DIAPH3: variants seen among roughly 807,000 people sequenced by gnomAD.
The protein encoded by DIAPH3 is protein diaphanous homolog 3.
Under a neutral mutation model 144.3 loss-of-function variants are expected in DIAPH3, and 117 were observed. The ratio of observed to expected loss-of-function variants is 0.81; its 90% CI spans 0.70 to 0.95. DIAPH3 has a LOEUF of 0.95. Among genes scored for constraint, DIAPH3 ranks in the 40% least tolerant of loss-of-function variants. The pLI is 0.00. For synonymous variants in DIAPH3, 519 were observed against 488.9 expected, an observed-to-expected ratio of 1.06 and a Z score of -0.81; for missense variants, 1,421 against 1,412.7, an observed-to-expected ratio of 1.01 and a Z score of -0.09.
chr13:59,778,883 C>G (rs1279748507), intron 25 of DIAPH3, among the ~76,000 whole-genome samples: 1 of 152,218 alleles, frequency 6.6e-6, no homozygotes, highest in African/African-American at 2.4e-5. Context: ...CAATATATCT[C>G]AGTTCTTACA....
chr13:59,739,395 T>A (rs2036326699), intron 27 of DIAPH3, among the ~76,000 whole-genome samples: 1 of 152,138 alleles, frequency 6.6e-6, no homozygotes, highest in South Asian at 2.1e-4. Context: ...ATGCCTTAAC[T>A]CCTCTAAGTA....
chr13:59,896,168 G>T (rs1389720353), intron 20 of DIAPH3, among the ~76,000 whole-genome samples: 1 of 152,180 alleles, frequency 6.6e-6, no homozygotes, highest in African/African-American at 2.4e-5. Context: ...TCTTGGTTAA[G>T]TAGTCTATTC....
chr13:59,924,849 A>T lies in DIAPH3; in HGVS notation c.2096T>A (p.Ile699Asn). Residue 699 changes from isoleucine (I) to asparagine (N), a missense_variant, in exon 18 of 28, where the codon ATT becomes AAT. Ile to Asn is a moderately radical substitution (Grantham distance 149, BLOSUM62 -3). Transcript: ENST00000400324. ...TTTCTTAATCGATTTCTTCTCTTCA[A>T]TATCTTCCTCTTCTCTTCTCTCTGT... ...QQKERREEED[I>N]EEKKSIKKKI... is the part of the protein sequence containing the mutation. The T allele has an allele frequency of 6.2e-7, 1 of 1,600,894 alleles. No individual in the cohort carries two copies. Among genetic ancestry groups the T allele is most frequent in the Non-Finnish European group, 8.5e-7 (1 of 1,170,934 alleles).
chr13:59,841,261 T>C (rs2042325664), intron 22 of DIAPH3, among the ~76,000 whole-genome samples: 1 of 152,154 alleles, frequency 6.6e-6, no homozygotes. Flanking sequence ...TCACTTTTTA[T>C]ACTTCCTAAA....
intron 24 of DIAPH3, among the ~76,000 whole-genome samples, chr13:59,825,400 T>C (rs564081707): frequency 6.6e-6 from 1 of 152,312 alleles, no homozygotes; most frequent in African/African-American, 2.4e-5. Flanking sequence ...TATTCCATGG[T>C]GTATATGTGC....
intron 27 of DIAPH3, among the ~76,000 whole-genome samples, chr13:59,672,981 C>G (rs1311564071): frequency 6.6e-6 from 1 of 152,168 alleles, no homozygotes; most frequent in Non-Finnish European, 1.5e-5. Context: ...ATATAAACTT[C>G]TATTCATTCT....
At chr13:59,767,612 G>A (rs1008382370) in intron 27 of DIAPH3, among the ~76,000 whole-genome samples, 3 of 151,810 alleles carry the variant, frequency 2.0e-5, no homozygotes, top group African/African-American at 7.3e-5. Context: ...AAAAGGGAGA[G>A]ATTCAGAATG....
intron 17 of DIAPH3, among the ~76,000 whole-genome samples, chr13:59,956,661 A>G (rs2049426430): frequency 6.6e-6 from 1 of 152,188 alleles, no homozygotes; most frequent in Admixed American, 6.5e-5. Flanking sequence ...TGCTGGGTGG[A>G]GCTGTGAGAA....
At chr13:59,913,991 T>C (rs990359756) in intron 19 of DIAPH3, among the ~76,000 whole-genome samples, 7 of 151,946 alleles carry the variant, frequency 4.6e-5, no homozygotes, top group Non-Finnish European at 8.8e-5. Flanking sequence ...ATAAAAATTA[T>C]TGAGCCTAAT....
chr13:60,008,679 C>T, intron 8 of DIAPH3, 30 bp from the exon 9 acceptor site: 2 of 1,390,424 alleles, frequency 1.4e-6, no homozygotes, highest in Non-Finnish European at 2.0e-6. Context: ...AATTAAATTG[C>T]AAGTAGCAAA....
intron 14 of DIAPH3, among the ~76,000 whole-genome samples, chr13:59,978,774 C>T (rs973887081): frequency 1.6e-4 from 25 of 151,692 alleles, no homozygotes; most frequent in African/African-American, 6.0e-4. Context: ...AAAAGAGTTA[C>T]TAGAGCGATA....
chr13:59,770,094 T>C (rs2038046470), intron 27 of DIAPH3, among the ~76,000 whole-genome samples: 1 of 152,100 alleles, frequency 6.6e-6, no homozygotes, highest in African/African-American at 2.4e-5. Flanking sequence ...CCCCTACATC[T>C]GATCCGACAA....
intron 2 of DIAPH3, among the ~76,000 whole-genome samples, chr13:60,131,989 C>G (rs2059153970): frequency 6.6e-6 from 1 of 152,196 alleles, no homozygotes; most frequent in Admixed American, 6.5e-5. Context: ...ATAAAGACAT[C>G]TACCTTGCAA....
At chr13:59,869,833 A>C (rs2044149093) in intron 21 of DIAPH3, among the ~76,000 whole-genome samples, 1 of 152,076 alleles carries the variant, frequency 6.6e-6, no homozygotes, top group Admixed American at 6.6e-5. Context: ...ATTTCTTTAA[A>C]CTGGGTTGTT....
At chr13:60,054,333 A>C (rs1453463220) in intron 4 of DIAPH3, among the ~76,000 whole-genome samples, 1 of 152,034 alleles carries the variant, frequency 6.6e-6, no homozygotes, top group African/African-American at 2.4e-5. Context: ...TCTCCATAAC[A>C]TTTACTTTGT....
At chr13:59,814,276 G>C (rs2040649597) in intron 24 of DIAPH3, among the ~76,000 whole-genome samples, 1 of 152,040 alleles carries the variant, frequency 6.6e-6, no homozygotes, top group South Asian at 2.1e-4. Flanking sequence ...ACTTTTCCAA[G>C]ACCTATAAAA....
intron 17 of DIAPH3, among the ~76,000 whole-genome samples, chr13:59,944,953 C>T (rs1310274663): frequency 6.6e-6 from 1 of 152,074 alleles, no homozygotes; most frequent in Non-Finnish European, 1.5e-5. Flanking sequence ...TGCGGGCCAG[C>T]AACACCATCA....
intron 4 of DIAPH3, among the ~76,000 whole-genome samples, chr13:60,068,737 A>C (rs1594572544): frequency 6.6e-6 from 1 of 152,044 alleles, no homozygotes; most frequent in Non-Finnish European, 1.5e-5. Context: ...TTATAAATGC[A>C]GTATTTAGTT....
At chr13:59,999,198 C>CT (rs1201260723) in intron 9 of DIAPH3, among the ~76,000 whole-genome samples, 1 of 152,062 alleles carries the variant, frequency 6.6e-6, no homozygotes, top group African/African-American at 2.4e-5. Context: ...GCATATTTGT[C>CT]TGATTATTGC....
Sources: gnomAD v4.1 joint callset for allele counts (sites outside exome capture counted in the v4.1 genomes callset) on GRCh38, gnomAD v4.1.1 for gene constraint, MANE v1.5 for transcripts, NCBI Gene and HGNC (gene_info 2026-07-23, HGNC 2026-07-21) for gene names.